Variants in SV2C observed in about 807,000 individuals in gnomAD.
SV2C encodes the protein solute carrier family 22 member B3.
SV2C carries 49 observed loss-of-function variants against 79.7 expected under a neutral mutation model. That is an observed-to-expected ratio of 0.61 (90% CI 0.49 to 0.78). The LOEUF (loss-of-function observed/expected upper bound fraction) is 0.78. SV2C is among the 30% of genes least tolerant of loss of function. The pLI, the probability that SV2C is intolerant of heterozygous loss-of-function variation, is 0.00. For synonymous variants in SV2C, 334 were observed against 333.2 expected (o/e 1.00, Z -0.03); for missense variants, 833 against 912.9 (o/e 0.91, Z 1.13).
chr5:76,147,192 T>C (rs1207955591), intron 2 of SV2C, among the ~76,000 whole-genome samples: 1 of 152,182 alleles, frequency 6.6e-6, no homozygotes, highest in Non-Finnish European at 1.5e-5. Flanking sequence ...ACACTCAAAA[T>C]AATTAAAATG....
intron 2 of SV2C, among the ~76,000 whole-genome samples, chr5:76,173,403 C>T (rs1467195935): frequency 6.6e-6 from 1 of 152,216 alleles, no homozygotes; most frequent in African/African-American, 2.4e-5. Context: ...GTTTTACCAG[C>T]TGCATACTCT....
chr5:76,055,828 GATTTT>G, the SV2C span, among the ~76,000 whole-genome samples: 1 of 152,090 alleles, frequency 6.6e-6, no homozygotes, highest in African/African-American at 2.4e-5. Context: ...GAATGCTTGT[GATTTT>G]TGCATATTCA....
At chr5:75,870,344 G>A in the SV2C span, among the ~76,000 whole-genome samples, 1 of 151,900 alleles carries the variant, frequency 6.6e-6, no homozygotes, top group Non-Finnish European at 1.5e-5. Context: ...GCAGAAATCT[G>A]GAGCTGTGAA....
chr5:76,111,660 G>GC (rs540589484), intron 1 of SV2C, among the ~76,000 whole-genome samples: 230 of 152,100 alleles, frequency 1.5e-3, no homozygotes, highest in Non-Finnish European at 2.4e-3. Context: ...AAGCTAATTT[G>GC]CCCCCCCAGG....
intron 12 of SV2C, among the ~76,000 whole-genome samples, chr5:76,302,353 A>T (rs1324242832): frequency 6.6e-6 from 1 of 152,188 alleles, no homozygotes; most frequent in South Asian, 2.1e-4. Context: ...TGCTGGGCCT[A>T]GTGGGACATG....
At chr5:76,184,755 G>T (rs952045998) in intron 2 of SV2C, among the ~76,000 whole-genome samples, 1 of 152,170 alleles carries the variant, frequency 6.6e-6, no homozygotes, top group Non-Finnish European at 1.5e-5. Context: ...GACACGTGGG[G>T]ATTATTTCAA....
the SV2C span, among the ~76,000 whole-genome samples, chr5:76,062,829 G>A: frequency 6.6e-6 from 1 of 152,094 alleles, no homozygotes; most frequent in Admixed American, 6.6e-5. Context: ...ACTCATTGGG[G>A]TTGCTTTTAA....
chr5:76,107,612 C>T (rs1352249393), intron 1 of SV2C, among the ~76,000 whole-genome samples: 1 of 152,142 alleles, frequency 6.6e-6, no homozygotes, highest in Non-Finnish European at 1.5e-5. Flanking sequence ...GCCTGTAATC[C>T]TAGCAGTTTG....
intron 6 of SV2C, among the ~76,000 whole-genome samples, chr5:76,289,245 G>A (rs1273837456): frequency 2.0e-5 from 3 of 151,996 alleles, no homozygotes; most frequent in East Asian, 1.9e-4. Context: ...TATTGTTTTC[G>A]AAGACTTCAT....
At chr5:75,913,177 C>T in the SV2C span, among the ~76,000 whole-genome samples, 1 of 152,168 alleles carries the variant, frequency 6.6e-6, no homozygotes, top group Non-Finnish European at 1.5e-5. Context: ...AGTGTTCTAA[C>T]CAGCAGGGCT....
chr5:75,882,929 G>T, the SV2C span, among the ~76,000 whole-genome samples: 1 of 151,438 alleles, frequency 6.6e-6, no homozygotes, highest in Non-Finnish European at 1.5e-5. Context: ...GAAAATTTTC[G>T]CAACCTACTC....
chr5:76,192,614 A>T (rs1229392901), intron 2 of SV2C, among the ~76,000 whole-genome samples: 1 of 152,228 alleles, frequency 6.6e-6, no homozygotes, highest in Non-Finnish European at 1.5e-5. Flanking sequence ...CAGAGTGGTT[A>T]CAATTATTCA....
intron 4 of SV2C, among the ~76,000 whole-genome samples, chr5:76,254,849 C>G (rs1036740238): frequency 2.0e-5 from 3 of 152,170 alleles, no homozygotes; most frequent in Non-Finnish European, 4.4e-5. Flanking sequence ...ACATTGCTAT[C>G]TGAGGGTAGA....
chr5:76,153,429 C>T (rs149512959), intron 2 of SV2C, among the ~76,000 whole-genome samples: 13 of 152,300 alleles, frequency 8.5e-5, no homozygotes, highest in African/African-American at 2.4e-4. Flanking sequence ...CAAGAGTTGG[C>T]CCTTGGTGCT....
chr5:76,342,872 GTCTC>G (rs200268563), intron 12 of SV2C, among the ~76,000 whole-genome samples: 39 of 148,726 alleles, frequency 2.6e-4, no homozygotes, highest in Non-Finnish European at 3.4e-4. Context: ...AGAACACATT[GTCTC>G]TCTCTCTCTC....
At position 76,333,567 on chromosome 5, in the gene SV2C, C is replaced by T. The variant is rs1749243966; in HGVS notation, c.*8020C>T. 1 of 152,150 alleles carries T rather than the reference C, an allele frequency of 6.6e-6. No individual in the cohort carries two copies. The highest frequency in any genetic ancestry group is 1.5e-5 in the Non-Finnish European group (1 of 68,024). The allele number at this position is 152,150 out of a possible 1,614,324, so 9.4% of individuals were successfully genotyped here. A position where few individuals can be genotyped will look rare whatever the true frequency, so the allele number is the denominator to read the frequency against. ...TTTTAATGCTGTGTAAGATCTCCTG[C>T]TATGAATGTTCCAGTTACCCCTATT... On this transcript the variant is annotated 3_prime_UTR_variant, in exon 13 of 13. Transcript: ENST00000502798.
chr5:76,203,538 G>C (rs1276494059), intron 3 of SV2C, among the ~76,000 whole-genome samples: 1 of 151,878 alleles, frequency 6.6e-6, no homozygotes, highest in Non-Finnish European at 1.5e-5. Context: ...CAGTATTAAA[G>C]TCTTGATCCA....
intron 1 of SV2C, among the ~76,000 whole-genome samples, chr5:76,084,542 G>A (rs1747107793): frequency 6.6e-6 from 1 of 150,458 alleles, no homozygotes; most frequent in Non-Finnish European, 1.5e-5. Flanking sequence ...GAGCAGATCT[G>A]TGGGCGTGCG....
the SV2C span, among the ~76,000 whole-genome samples, chr5:75,850,298 C>T: frequency 6.6e-6 from 1 of 152,160 alleles, no homozygotes; most frequent in Non-Finnish European, 1.5e-5. Context: ...AATGTATACA[C>T]ACACCGTTCC....
Sources: allele counts gnomAD v4.1 joint callset (sites outside exome capture counted in the v4.1 genomes callset), GRCh38; gene constraint gnomAD v4.1.1; transcripts MANE v1.5; gene names NCBI Gene and HGNC (gene_info 2026-07-23, HGNC 2026-07-21).